Variants in IGSF11 observed in about 807,000 individuals in gnomAD.
IGSF11 encodes the protein CXADR like 1.
Under a neutral mutation model 41.0 loss-of-function variants are expected in IGSF11, and 22 were observed. The observed-to-expected ratio is 0.54, with a 90% CI of 0.38 to 0.77. The LOEUF is 0.77. IGSF11 is among the 30% of genes least tolerant of loss of function. The pLI, the probability that IGSF11 is intolerant of heterozygous loss-of-function variation, is 0.00. For synonymous variants in IGSF11, 219 were observed against 201.3 expected (o/e 1.09, Z -0.74); for missense variants, 444 against 530.8 (o/e 0.84, Z 1.61).
rs2107459853 is a variant in IGSF11, at chr3:118,902,466, CTTGTAT to C, written c.*48_*53del. ...CAGCACTCCCCACCCCACCCTCCCC[CTTGTAT>C]GAGGGCATTCCATTTATTCATTTCT... On this transcript the variant is annotated 3_prime_UTR_variant, in exon 7 of 7. Coordinates refer to ENST00000393775, the MANE Select transcript of IGSF11 (RefSeq NM_001015887.3). 1.1e-5 allele frequency: 10 copies of C among 878,180 alleles called. No individual in the cohort carries two copies. Among genetic ancestry groups the C allele is most frequent in the Admixed American group, 2.0e-5 (1 of 50,780 alleles). 54.4% of individuals were successfully genotyped at this position (878,180 alleles called of 1,614,324 possible). A position where few individuals can be genotyped will look rare whatever the true frequency, so the allele number is the denominator to read the frequency against.
chr3:118,903,396 A>G (rs931548865), intron 6 of IGSF11, among the ~76,000 whole-genome samples: 2 of 152,036 alleles, frequency 1.3e-5, no homozygotes, highest in African/African-American at 4.8e-5. Context: ...ATTCACACAT[A>G]AATATTTACT....
At chr3:118,903,965 T>C (rs1162209489) in intron 6 of IGSF11, among the ~76,000 whole-genome samples, 7 of 152,040 alleles carry the variant, frequency 4.6e-5, no homozygotes, top group Admixed American at 2.6e-4. Context: ...AATGGGAAAA[T>C]GCAGGACAGA....
At chr3:119,120,487 T>A (rs1251960577) in intron 1 of IGSF11, among the ~76,000 whole-genome samples, 2 of 152,200 alleles carry the variant, frequency 1.3e-5, no homozygotes, top group Non-Finnish European at 2.9e-5. Flanking sequence ...GGTTTCCTCA[T>A]GCTGAGAAAG....
intron 1 of IGSF11, among the ~76,000 whole-genome samples, chr3:119,040,704 A>C (rs1559828891): frequency 6.6e-6 from 1 of 152,230 alleles, no homozygotes; most frequent in African/African-American, 2.4e-5. Flanking sequence ...CTGAATTCTC[A>C]GTGTCTTTAA....
chr3:118,971,358 C>A (rs977973638), intron 1 of IGSF11, among the ~76,000 whole-genome samples: 1 of 151,872 alleles, frequency 6.6e-6, no homozygotes, highest in Non-Finnish European at 1.5e-5. Context: ...AACAGAACAC[C>A]AAAATTCAGG....
intron 1 of IGSF11, among the ~76,000 whole-genome samples, chr3:119,084,692 G>A (rs75876352): frequency 3.1e-4 from 47 of 152,316 alleles, no homozygotes; most frequent in Non-Finnish European, 6.0e-4. Context: ...CTGCAGAAGC[G>A]TGCATACAGT....
intron 1 of IGSF11, among the ~76,000 whole-genome samples, chr3:118,948,658 G>GT (rs1360642211): frequency 6.6e-6 from 1 of 152,060 alleles, no homozygotes; most frequent in African/African-American, 2.4e-5. Flanking sequence ...CGAGAAAATT[G>GT]TAAGAACCTT....
intron 1 of IGSF11, among the ~76,000 whole-genome samples, chr3:119,071,737 T>G (rs975136606): frequency 6.6e-6 from 1 of 152,228 alleles, no homozygotes; most frequent in Non-Finnish European, 1.5e-5. Flanking sequence ...TTTAGCTTTA[T>G]AGTAAGTTTT....
chr3:119,081,926 G>C lies in IGSF11; in HGVS notation c.49+23218C>G, dbSNP rs1316396641. Among the ~76,000 whole-genome samples the C allele has an allele frequency of 2.6e-5, 4 of 152,196 alleles. No homozygotes were observed. The East Asian group carries it at 7.7e-4, about 29-fold the overall frequency. Reference sequence around the variant, plus strand: ...AGGTAAGCACTGAGAATGACGAATAGAGAAAAAAGGGAATTTGAGGCACAG... The same window carrying C: ...AGGTAAGCACTGAGAATGACGAATACAGAAAAAAGGGAATTTGAGGCACAG... On this transcript the variant is annotated intron_variant, in intron 1 of 6. Transcript: ENST00000354673.
chr3:119,045,680 C>A (rs1032239961), intron 1 of IGSF11, among the ~76,000 whole-genome samples: 7 of 151,982 alleles, frequency 4.6e-5, no homozygotes, highest in African/African-American at 1.7e-4. Context: ...TAGGCTCCAC[C>A]TCTGGGGGCA....
intron 1 of IGSF11, among the ~76,000 whole-genome samples, chr3:118,940,967 A>T (rs1576430628): frequency 6.6e-6 from 1 of 151,330 alleles, no homozygotes; most frequent in East Asian, 1.9e-4. Context: ...AAATTAACTC[A>T]AAATAGATAA....
intron 1 of IGSF11, among the ~76,000 whole-genome samples, chr3:119,057,118 G>T (rs1025252322): frequency 1.3e-5 from 2 of 152,130 alleles, no homozygotes; most frequent in Non-Finnish European, 2.9e-5. Flanking sequence ...GGAAGTTCTG[G>T]CCAGGGCAAT....
intron 1 of IGSF11, among the ~76,000 whole-genome samples, chr3:119,030,152 AAC>A (rs1406429902): frequency 1.3e-5 from 2 of 152,238 alleles, no homozygotes; most frequent in Non-Finnish European, 2.9e-5. Context: ...TCTCAAGATC[AAC>A]AGAGTTAACT....
At chr3:119,119,057 T>C (rs1189648795) in intron 1 of IGSF11, among the ~76,000 whole-genome samples, 1 of 152,208 alleles carries the variant, frequency 6.6e-6, no homozygotes, top group African/African-American at 2.4e-5. Flanking sequence ...CTTTCCCACA[T>C]TTTCCTGTCT....
Position 119,028,695 on chromosome 3 carries a change from T to C in IGSF11, c.52+5836A>G, listed in dbSNP as rs1409365731. On this transcript the variant is annotated intron_variant, in intron 1 of 6. Coordinates refer to ENST00000393775, the MANE Select transcript of IGSF11 (RefSeq NM_001015887.3). ...TTTGAATAAACTTCCACAGAAGTTA[T>C]AAAATTTGAAAAAAAAACTATGAAA... Among the ~76,000 whole-genome samples the C allele has an allele frequency of 9.3e-5, 9 of 97,116 alleles. No individual in the cohort carries two copies. In the South Asian group the frequency reaches 1.8e-3, roughly 19 times the overall value. The allele number at this position is 97,116 out of a possible 152,430, so 63.7% of individuals were successfully genotyped here.
At chr3:119,014,575 A>G (rs1938484739) in intron 1 of IGSF11, among the ~76,000 whole-genome samples, 1 of 152,254 alleles carries the variant, frequency 6.6e-6, no homozygotes, top group Non-Finnish European at 1.5e-5. Context: ...CAGAAAAAGT[A>G]ACTGAAATAT....
chr3:118,962,413 A>G (rs1487599205), intron 1 of IGSF11, among the ~76,000 whole-genome samples: 1 of 152,202 alleles, frequency 6.6e-6, no homozygotes, highest in East Asian at 1.9e-4. Context: ...TTTCATTATT[A>G]TTAGTGAAAA....
At chr3:118,966,043 G>A (rs1156897243) in intron 1 of IGSF11, among the ~76,000 whole-genome samples, 1 of 151,698 alleles carries the variant, frequency 6.6e-6, no homozygotes, top group East Asian at 1.9e-4. Flanking sequence ...GAATTGTTGT[G>A]AACAAAACTA....
chr3:119,111,702 G>T (rs530332742), intron 1 of IGSF11, among the ~76,000 whole-genome samples: 2 of 152,012 alleles, frequency 1.3e-5, no homozygotes, highest in Admixed American at 6.6e-5. Context: ...CTGCTCTGTT[G>T]TTTCCCCATC....
Sources: allele counts gnomAD v4.1 joint callset (sites outside exome capture counted in the v4.1 genomes callset), GRCh38; gene constraint gnomAD v4.1.1; transcripts MANE v1.5; gene names NCBI Gene and HGNC (gene_info 2026-07-23, HGNC 2026-07-21).